The following VEGFC variants were observed in gnomAD, a reference collection of about 807,000 sequenced individuals.
The protein encoded by VEGFC is FLT4 ligand DHM.
In VEGFC, 12 loss-of-function variants were observed where a neutral mutation model predicts 46.1. That is an observed-to-expected ratio of 0.26 (90% CI 0.17 to 0.42). The LOEUF (loss-of-function observed/expected upper bound fraction) is 0.42, where lower values mean the gene tolerates loss of function less well. VEGFC is among the 10% of genes least tolerant of loss of function. The pLI is 1.00. For missense variants in VEGFC, 488 were observed against 529.4 expected, an observed-to-expected ratio of 0.92 and a Z score of 0.77; for synonymous variants, 232 against 195.5, an observed-to-expected ratio of 1.19 and a Z score of -1.56.
At chr4:176,696,846 T>G (rs543384496) in intron 4 of VEGFC, among the ~76,000 whole-genome samples, 1 of 152,304 alleles carries the variant, frequency 6.6e-6, no homozygotes, top group South Asian at 2.1e-4. Flanking sequence ...TACAACAATC[T>G]GATCTTTGAC....
At chr4:176,768,141 T>A (rs904269917) in intron 1 of VEGFC, among the ~76,000 whole-genome samples, 4 of 152,100 alleles carry the variant, frequency 2.6e-5, no homozygotes, top group African/African-American at 9.7e-5. Flanking sequence ...AAATTTCAAC[T>A]GGGAATGTTT....
intron 1 of VEGFC, among the ~76,000 whole-genome samples, chr4:176,785,839 GT>G (rs1320586247): frequency 6.6e-6 from 1 of 152,066 alleles, no homozygotes; most frequent in Non-Finnish European, 1.5e-5. Flanking sequence ...TGTGTGGGGG[GT>G]TCTGTGTATG....
At chr4:176,716,680 G>A (rs1161827159) in intron 3 of VEGFC, among the ~76,000 whole-genome samples, 1 of 151,622 alleles carries the variant, frequency 6.6e-6, no homozygotes, top group African/African-American at 2.4e-5. Flanking sequence ...AGATACTATG[G>A]TAGAATTTCT....
intron 1 of VEGFC, among the ~76,000 whole-genome samples, chr4:176,742,384 C>T (rs1042877256): frequency 6.6e-6 from 1 of 151,914 alleles, no homozygotes; most frequent in South Asian, 2.1e-4. Flanking sequence ...AATAGTGCTG[C>T]GATAAACATG....
intron 1 of VEGFC, among the ~76,000 whole-genome samples, chr4:176,762,842 G>A (rs1417837378): frequency 6.6e-6 from 1 of 152,264 alleles, no homozygotes; most frequent in South Asian, 2.1e-4. Context: ...CTTTGAACTT[G>A]ACAGTTTAAC....
At chr4:176,688,364 T>A (rs191007570) in intron 4 of VEGFC, among the ~76,000 whole-genome samples, 1 of 152,294 alleles carries the variant, frequency 6.6e-6, no homozygotes, top group East Asian at 1.9e-4. Flanking sequence ...CATTATTTAT[T>A]TTATTCATCT....
intron 1 of VEGFC, among the ~76,000 whole-genome samples, chr4:176,773,980 C>T (rs1421713424): frequency 1.3e-5 from 2 of 151,910 alleles, no homozygotes; most frequent in African/African-American, 2.4e-5. Context: ...TTACTTAACA[C>T]AATAAAAATT....
intron 3 of VEGFC, among the ~76,000 whole-genome samples, chr4:176,713,015 G>C (rs1734642575): frequency 6.6e-6 from 1 of 151,992 alleles, no homozygotes; most frequent in African/African-American, 2.4e-5. Context: ...ATTTTTCTTT[G>C]ATAATCAGTA....
In VEGFC at chr4:176,740,878, T is replaced by C. The variant is rs189976289; in HGVS notation, c.148-11132A>G. The stretch of plus-strand genomic sequence containing the variant: ...CAATTAACACGTTTATTACAATAAA[T>C]AACGTTCAAGGAATGAATAGCAAGT... On this transcript the variant is annotated intron_variant, in intron 1 of 6. Transcript: ENST00000618562. Among the ~76,000 whole-genome samples the C allele has an allele frequency of 6.4e-3, 970 of 151,994 alleles. 6 individuals carry two copies. Among genetic ancestry groups the C allele is most frequent in the African/African-American group, 0.022 (926 of 41,514 alleles).
chr4:176,763,896 G>A (rs1735573021), intron 1 of VEGFC, among the ~76,000 whole-genome samples: 1 of 151,940 alleles, frequency 6.6e-6, no homozygotes, highest in Admixed American at 6.6e-5. Flanking sequence ...AGTTTTCAAT[G>A]GAACGGTATC....
At chr4:176,750,014 A>C (rs1333717032) in intron 1 of VEGFC, among the ~76,000 whole-genome samples, 1 of 151,882 alleles carries the variant, frequency 6.6e-6, no homozygotes, top group Non-Finnish European at 1.5e-5. Context: ...GTATTAAAAA[A>C]ATAGATCGGT....
intron 3 of VEGFC, among the ~76,000 whole-genome samples, chr4:176,711,881 G>A (rs1393270835): frequency 6.6e-6 from 1 of 152,084 alleles, no homozygotes; most frequent in South Asian, 2.1e-4. Context: ...CACTAGTTAT[G>A]AAGCATATTA....
At chr4:176,741,259 T>G (rs1015317768) in intron 1 of VEGFC, among the ~76,000 whole-genome samples, 1 of 151,956 alleles carries the variant, frequency 6.6e-6, no homozygotes, top group Admixed American at 6.6e-5. Context: ...AGGAAAAAAA[T>G]GTTTGTGCTA....
chr4:176,783,328 G>A (rs759345986), intron 1 of VEGFC, among the ~76,000 whole-genome samples: 1 of 152,004 alleles, frequency 6.6e-6, no homozygotes, highest in Non-Finnish European at 1.5e-5. Context: ...CTCCCCTTAA[G>A]TTTTCTTTAT....
At chr4:176,776,718 A>G (rs991763008) in intron 1 of VEGFC, among the ~76,000 whole-genome samples, 14 of 152,258 alleles carry the variant, frequency 9.2e-5, no homozygotes, top group Non-Finnish European at 2.1e-4. Context: ...ACTGTCCTTT[A>G]TTCAATAAAA....
At chr4:176,787,322 T>G (rs772542738) in intron 1 of VEGFC, among the ~76,000 whole-genome samples, 4 of 151,906 alleles carry the variant, frequency 2.6e-5, no homozygotes, top group Non-Finnish European at 4.4e-5. Flanking sequence ...CCTGCTCTAG[T>G]GGCACATGCC....
At chr4:176,687,120 A>T in intron 6 of VEGFC, 67 bp downstream of exon 6, 1 of 1,507,186 alleles carries the variant, frequency 6.6e-7, no homozygotes, top group Non-Finnish European at 8.9e-7. Context: ...TTGGTTAAGA[A>T]AACTGCTTTT....
chr4:176,778,509 G>T (rs966288164), intron 1 of VEGFC, among the ~76,000 whole-genome samples: 5 of 152,080 alleles, frequency 3.3e-5, no homozygotes, highest in Admixed American at 6.6e-5. Context: ...CCAGCCAGAG[G>T]CCAGAAATCC....
intron 4 of VEGFC, chr4:176,689,250 T>C (rs556494101): frequency 6.6e-6 from 1 of 152,316 alleles, no homozygotes; most frequent in South Asian, 2.1e-4. Flanking sequence ...AACATGTGCA[T>C]TGAGTATAAA....
Sources: gnomAD v4.1 joint callset for allele counts (sites outside exome capture counted in the v4.1 genomes callset) on GRCh38, gnomAD v4.1.1 for gene constraint, MANE v1.5 for transcripts, NCBI Gene and HGNC (gene_info 2026-07-23, HGNC 2026-07-21) for gene names.